GALNT16: variants seen among roughly 807,000 people sequenced by gnomAD.
GALNT16 encodes polypeptide N-acetylgalactosaminyltransferase 16, also known as UDP-GalNAc:polypeptide N-acetylgalactosaminyltransferase-like protein 1.
GALNT16 carries 40 observed loss-of-function variants against 76.1 expected under a neutral mutation model. The ratio of observed to expected loss-of-function variants is 0.53; its 90% CI spans 0.41 to 0.68. The LOEUF (loss-of-function observed/expected upper bound fraction) is 0.68. GALNT16 is among the 30% of genes least tolerant of loss of function. GALNT16 has a pLI of 0.00. For missense variants in GALNT16, 621 were observed against 731.9 expected (o/e 0.85, Z 1.75); for synonymous variants, 276 against 285.2 (o/e 0.97, Z 0.32).
chr14:69,357,229 G>C (rs980130943), downstream of GALNT16: 13 of 152,266 alleles, frequency 8.5e-5, no homozygotes, highest in Non-Finnish European at 1.5e-4. Context: ...GCGTCAGTGA[G>C]TTGGTGCTCT....
At chr14:69,275,768 G>A (rs991094269) in intron 1 of GALNT16, among the ~76,000 whole-genome samples, 1 of 152,244 alleles carries the variant, frequency 6.6e-6, no homozygotes, top group African/African-American at 2.4e-5. Flanking sequence ...GCTGAAGTGG[G>A]AAGATTGCTT....
rs575209420 is a variant in GALNT16 at position 69,325,741 on chromosome 14, T to C, written c.503-221T>C. 7.1e-4 allele frequency among the ~76,000 whole-genome samples: 108 copies of C among 152,338 alleles called. 1 individual carries two copies. The highest frequency in any genetic ancestry group is 7.9e-4 in the Non-Finnish European group (54 of 68,024). ...CCCAAGCGTGCTTTCTAGTGCTCCC[T>C]GAGGTGGAGTGGAGTACTGCCATAG... On this transcript the variant is annotated intron_variant, in intron 4 of 14. Transcript: ENST00000448469.
intron 1 of GALNT16, among the ~76,000 whole-genome samples, chr14:69,308,329 TA>T (rs2044968751): frequency 6.6e-6 from 1 of 151,438 alleles, no homozygotes. Flanking sequence ...AAGGAAAAGG[TA>T]AAAGTCTTCA....
chr14:69,324,542 G>A (rs909845828), intron 2 of GALNT16, 150 bp from the exon 3 acceptor site: 3 of 491,422 alleles, frequency 6.1e-6, no homozygotes, highest in Non-Finnish European at 7.2e-6. Flanking sequence ...GCAGCATGGG[G>A]GTGGAGGCGC....
chr14:69,338,122 G>A (rs2045436045), intron 9 of GALNT16, among the ~76,000 whole-genome samples: 1 of 152,180 alleles, frequency 6.6e-6, no homozygotes, highest in South Asian at 2.1e-4. Flanking sequence ...CTGTCAAAAG[G>A]AGGCATGGCT....
chr14:69,371,410 CGCCCA>C, the GALNT16 span, among the ~76,000 whole-genome samples: 1 of 151,598 alleles, frequency 6.6e-6, no homozygotes, highest in South Asian at 2.1e-4. Flanking sequence ...CGCACCACCA[CGCCCA>C]GCTTATTTTT....
intron 12 of GALNT16, among the ~76,000 whole-genome samples, chr14:69,342,211 G>C (rs1157160065): frequency 6.6e-6 from 1 of 151,870 alleles, no homozygotes; most frequent in Admixed American, 6.6e-5. Flanking sequence ...ACTTTGGGAG[G>C]CCAAGGCAGG....
At chr14:69,311,448 T>C (rs1194078936) in intron 1 of GALNT16, among the ~76,000 whole-genome samples, 1 of 152,164 alleles carries the variant, frequency 6.6e-6, no homozygotes, top group African/African-American at 2.4e-5. Context: ...AGGGGACATA[T>C]TCGAACCACA....
chr14:69,342,097 G>A lies in GALNT16; in HGVS notation c.1271+333G>A, dbSNP rs556497184. Among the ~76,000 whole-genome samples the A allele has an allele frequency of 7.2e-4, 110 of 152,232 alleles. 1 individual carries two copies. Among genetic ancestry groups the A allele is most frequent in the Middle Eastern group, 3.4e-3 (1 of 294 alleles). On this transcript the variant is annotated intron_variant, in intron 12 of 14. Transcript: ENST00000448469. Reference sequence around the variant, plus strand: ...TCTCCCTTCTGGGAGTTTATCCTAAGGAAATAAAGCAACCAAAGCAGAAGC... The same window carrying A: ...TCTCCCTTCTGGGAGTTTATCCTAAAGAAATAAAGCAACCAAAGCAGAAGC...
intron 2 of GALNT16, among the ~76,000 whole-genome samples, chr14:69,322,930 GT>G (rs2045213420): frequency 5.4e-5 from 2 of 37,130 alleles, no homozygotes; most frequent in South Asian, 3.2e-3. Context: ...CACGGGGTGT[GT>G]GTGTGTGTGT....
At chr14:69,296,695 C>G (rs1166035854) in intron 1 of GALNT16, among the ~76,000 whole-genome samples, 1 of 148,238 alleles carries the variant, frequency 6.7e-6, no homozygotes, top group African/African-American at 2.5e-5. Flanking sequence ...CCTGTCTCAA[C>G]ACAAAATAAA....
chr14:69,369,510 G>A, the GALNT16 span, among the ~76,000 whole-genome samples: 1 of 152,136 alleles, frequency 6.6e-6, no homozygotes, highest in Non-Finnish European at 1.5e-5. Flanking sequence ...AGGAGGGGTG[G>A]TGAGCTCCAC....
intron 13 of GALNT16, 62 bp downstream of exon 13, chr14:69,347,243 T>A: frequency 6.9e-7 from 1 of 1,442,486 alleles, no homozygotes; most frequent in Non-Finnish European, 9.4e-7. Context: ...AGGAGTGGGG[T>A]GAGGGACTTC....
At chr14:69,326,137 C>T in intron 5 of GALNT16, 110 bp downstream of exon 5, 1 of 820,662 alleles carries the variant, frequency 1.2e-6, no homozygotes, top group South Asian at 1.4e-5. Flanking sequence ...GGTCCTGCTG[C>T]ATTCCTGATG....
In GALNT16 at chr14:69,333,224, G is replaced by A; in HGVS notation, c.863+55G>A. 7.9e-7 allele frequency: 1 copy of A among 1,260,128 alleles called. No homozygotes were observed. Among genetic ancestry groups the A allele is most frequent in the Non-Finnish European group, 1.1e-6 (1 of 885,158 alleles). 78.1% of individuals were successfully genotyped at this position (1,260,128 alleles called of 1,614,324 possible). On this transcript the variant is annotated intron_variant, in intron 8 of 14. Coordinates refer to ENST00000448469, the MANE Select transcript of GALNT16 (RefSeq NM_001168368.2). This position sits in a 1 kb window ranked among gnomAD's most constrained non-coding sequence, Gnocchi z 4.2. ...CCTTCCTTCCCTGGGTCAGGGGCCT[G>A]GGAGGCTCTTGGGAGGCTGTATCGG...
intron 1 of GALNT16, among the ~76,000 whole-genome samples, chr14:69,289,982 G>A (rs548185915): frequency 2.0e-5 from 3 of 152,014 alleles, no homozygotes; most frequent in East Asian, 1.9e-4. Flanking sequence ...CAGGCAATCC[G>A]CTCGCCTCGG....
chr14:69,371,898 C>T, the GALNT16 span, among the ~76,000 whole-genome samples: 4 of 151,812 alleles, frequency 2.6e-5, no homozygotes, highest in Non-Finnish European at 5.9e-5. Flanking sequence ...GAGCCGAGAT[C>T]GTGCCACTGC....
chr14:69,350,393 C>T (rs922893570), intron 14 of GALNT16: 6 of 152,274 alleles, frequency 3.9e-5, no homozygotes, highest in African/African-American at 7.2e-5. Flanking sequence ...CCAAGCACCA[C>T]GACTCCCTGG....
intron 1 of GALNT16, among the ~76,000 whole-genome samples, chr14:69,266,181 G>A (rs2044340391): frequency 6.6e-6 from 1 of 152,198 alleles, no homozygotes; most frequent in Non-Finnish European, 1.5e-5. Flanking sequence ...TGGGGCACCT[G>A]AATCAGCACC....
Sources: allele counts gnomAD v4.1 joint callset (sites outside exome capture counted in the v4.1 genomes callset), GRCh38; gene constraint gnomAD v4.1.1; non-coding constraint Gnocchi (gnomAD v3.1); transcripts MANE v1.5; gene names NCBI Gene and HGNC (gene_info 2026-07-23, HGNC 2026-07-21).